TRDN: variants seen among roughly 807,000 people sequenced by gnomAD.
The protein encoded by TRDN is triadin.
A neutral mutation model predicts 149.7 loss-of-function variants in TRDN; 161 were observed. The ratio of observed to expected loss-of-function variants is 1.08; its 90% CI spans 0.95 to 1.23. The LOEUF (loss-of-function observed/expected upper bound fraction) is 1.23, where lower values mean the gene tolerates loss of function less well. TRDN is among the 50% of genes most tolerant of loss of function. The pLI is 0.00. For synonymous variants in TRDN, 294 were observed against 250.5 expected (o/e 1.17, Z -1.64); for missense variants, 896 against 823.5 (o/e 1.09, Z -1.08).
chr6:123,351,976 AAT>A, intron 21 of TRDN: 4 of 976,782 alleles, frequency 4.1e-6, no homozygotes, highest in Non-Finnish European at 4.9e-6. Context: ...CATAAATACA[AAT>A]AAAATGCATT....
chr6:123,304,691 C>T (rs538335867), intron 24 of TRDN, among the ~76,000 whole-genome samples: 20 of 152,112 alleles, frequency 1.3e-4, no homozygotes, highest in African/African-American at 4.3e-4. Context: ...TTTCGGTGCA[C>T]AGCATTAAAC....
rs1005030746 is a variant in TRDN at position 123,438,891 on chromosome 6, T to A, written c.991+53A>T. On this transcript the variant is annotated intron_variant, in intron 11 of 40. Coordinates refer to ENST00000334268, the MANE Select transcript of TRDN (RefSeq NM_006073.4). ...GAAAATAATAGATTTACCAGTAGTATTATGCATGGACACTAATTGATTTAT... is the reference window on the plus strand; with the variant it reads ...GAAAATAATAGATTTACCAGTAGTAATATGCATGGACACTAATTGATTTAT... 4 of 1,366,384 alleles carry A rather than the reference T, an allele frequency of 2.9e-6. No homozygotes were observed. In the African/African-American group the frequency reaches 5.9e-5, roughly 20 times the overall value. 84.6% of individuals were successfully genotyped at this position (1,366,384 alleles called of 1,614,324 possible). A position where few individuals can be genotyped will look rare whatever the true frequency, so the allele number is the denominator to read the frequency against.
chr6:123,286,381 C>G (rs982281882), intron 24 of TRDN, among the ~76,000 whole-genome samples: 1 of 152,016 alleles, frequency 6.6e-6, no homozygotes, highest in African/African-American at 2.4e-5. Flanking sequence ...TCACAGCAAC[C>G]TGGATGGAAC....
intron 24 of TRDN, among the ~76,000 whole-genome samples, chr6:123,300,005 T>C (rs73551219): frequency 0.019 from 2,965 of 152,102 alleles, 87 homozygotes; most frequent in South Asian, 0.077. Context: ...TCTAATACAG[T>C]TGACTTCTTA....
intron 15 of TRDN, among the ~76,000 whole-genome samples, 162 bp downstream of exon 15, chr6:123,381,956 G>GCTCTCTCTCTCTCTCT (rs55997261): frequency 1.4e-4 from 20 of 138,522 alleles, no homozygotes; most frequent in African/African-American, 5.1e-4. Flanking sequence ...TAGATTTGGC[G>GCTCTCTCTCTCTCTCT]CTCTCTCTCT....
At position 123,382,867 on chromosome 6, in the gene TRDN, G is replaced by A. The variant is rs370439561; in HGVS notation, c.1136-720C>T. ...CCACCACTTGAAAATGAAAACAAGA[G>A]GTTTTTAAGCTCATTTGTTTTAAGA... On this transcript the variant is annotated intron_variant, in intron 14 of 40. Transcript: ENST00000334268. Among the ~76,000 whole-genome samples the A allele has an allele frequency of 5.3e-5, 8 of 151,984 alleles. No homozygotes were observed. In the East Asian group the frequency reaches 1.4e-3, roughly 26 times the overall value.
At chr6:123,528,982 C>T in intron 5 of TRDN, 1 of 1,259,478 alleles carries the variant, frequency 7.9e-7, no homozygotes, top group East Asian at 3.3e-5. Flanking sequence ...TAGACTTCAG[C>T]CAAATTCACT....
intron 23 of TRDN, among the ~76,000 whole-genome samples, chr6:123,329,150 A>AT (rs766190913): frequency 9.2e-5 from 14 of 152,192 alleles, no homozygotes; most frequent in Non-Finnish European, 1.9e-4. Context: ...ATCTTTGGTC[A>AT]TGAGTCCTGA....
chr6:123,612,295 A>C (rs1784857655), intron 1 of TRDN, among the ~76,000 whole-genome samples: 1 of 146,250 alleles, frequency 6.8e-6, no homozygotes, highest in African/African-American at 2.5e-5. Context: ...GCATTAGGAG[A>C]TATACCTAAT....
chr6:123,238,319 G>A (rs1391239507), intron 38 of TRDN, among the ~76,000 whole-genome samples: 1 of 152,166 alleles, frequency 6.6e-6, no homozygotes, highest in Non-Finnish European at 1.5e-5. Context: ...TGTAAGTCAA[G>A]ATTAGATGTG....
intron 23 of TRDN, among the ~76,000 whole-genome samples, chr6:123,331,470 A>G (rs1779655565): frequency 6.6e-6 from 1 of 152,092 alleles, no homozygotes; most frequent in South Asian, 2.1e-4. Flanking sequence ...CAATATGTTT[A>G]GGATTCTATT....
intron 24 of TRDN, among the ~76,000 whole-genome samples, chr6:123,280,980 TAA>T (rs1218076404): frequency 6.6e-6 from 1 of 151,992 alleles, no homozygotes; most frequent in Non-Finnish European, 1.5e-5. Context: ...ACAAATAAGG[TAA>T]AAAATTGAGA....
intron 19 of TRDN, among the ~76,000 whole-genome samples, chr6:123,374,651 A>G (rs1207751647): frequency 6.6e-6 from 1 of 151,968 alleles, no homozygotes; most frequent in African/African-American, 2.4e-5. Context: ...CTGACATAAT[A>G]TGTCTCAAAA....
chr6:123,534,483 C>T (rs540000881), intron 4 of TRDN, among the ~76,000 whole-genome samples: 1 of 152,270 alleles, frequency 6.6e-6, no homozygotes, highest in African/African-American at 2.4e-5. Flanking sequence ...GTTCTGTCTC[C>T]TTACACTTTA....
At chr6:123,366,738 G>A (rs561430074) in intron 19 of TRDN, among the ~76,000 whole-genome samples, 245 of 152,126 alleles carry the variant, frequency 1.6e-3, no homozygotes, top group African/African-American at 5.5e-3. Context: ...GGCTGGTCTT[G>A]AACTCCTGAC....
intron 21 of TRDN, among the ~76,000 whole-genome samples, chr6:123,344,952 T>A (rs539296828): frequency 6.6e-6 from 1 of 152,140 alleles, no homozygotes; most frequent in East Asian, 1.9e-4. Flanking sequence ...ATTTTAGCTA[T>A]TTTAATAGGT....
chr6:123,361,014 T>C (rs1780879318), intron 20 of TRDN, among the ~76,000 whole-genome samples: 1 of 152,206 alleles, frequency 6.6e-6, no homozygotes, highest in Non-Finnish European at 1.5e-5. Flanking sequence ...AAGTCTTTGC[T>C]ATTGTGAATA....
At chr6:123,538,633 A>G (rs1003858598) in intron 4 of TRDN, among the ~76,000 whole-genome samples, 8 of 152,122 alleles carry the variant, frequency 5.3e-5, no homozygotes, top group African/African-American at 1.7e-4. Flanking sequence ...TCTTTCAGAG[A>G]TGTTGAAGCC....
rs898285703 is a variant in TRDN, at chr6:123,531,387, A to C, written c.425-822T>G. 2.6e-5 allele frequency among the ~76,000 whole-genome samples: 4 copies of C among 152,030 alleles called. No individual in the cohort carries two copies. In the East Asian group the frequency reaches 7.7e-4, roughly 29 times the overall value. Reference sequence around the variant, plus strand: ...TCCACAGATGGTCTGAGATGGTGTTAATTACTGTACACATTTTAAATTCTC... The same window carrying C: ...TCCACAGATGGTCTGAGATGGTGTTCATTACTGTACACATTTTAAATTCTC... On this transcript the variant is annotated intron_variant, in intron 4 of 40. Transcript: ENST00000334268.
Sources: allele counts gnomAD v4.1 joint callset (sites outside exome capture counted in the v4.1 genomes callset), GRCh38; gene constraint gnomAD v4.1.1; transcripts MANE v1.5; gene names NCBI Gene and HGNC (gene_info 2026-07-23, HGNC 2026-07-21).